KLK2: variants seen among roughly 807,000 people sequenced by gnomAD.
KLK2 encodes the protein kallikrein-2.
Under a neutral mutation model 23.0 loss-of-function variants are expected in KLK2, and 17 were observed. The ratio of observed to expected loss-of-function variants is 0.74; its 90% confidence interval spans 0.51 to 1.11. The LOEUF (loss-of-function observed/expected upper bound fraction) is 1.11, where lower values mean the gene tolerates loss of function less well. Among genes scored for constraint, KLK2 ranks in the 50% least tolerant of loss-of-function variants. The pLI, the probability that KLK2 is intolerant of heterozygous loss-of-function variation, is 0.00. For missense variants in KLK2, 330 were observed against 325.9 expected, an observed-to-expected ratio of 1.01 and a Z score of -0.10; for synonymous variants, 140 against 124.7, an observed-to-expected ratio of 1.12 and a Z score of -0.82.
At position 50,876,740 on chromosome 19, in the gene KLK2, A is replaced by C; in HGVS notation, c.475A>C (p.Ser159Arg). ...GTTCYASGWG[S>R]IEPEEFLRPR... Reference sequence around the variant, plus strand: ...CACCTGCTACGCCTCAGGCTGGGGCAGCATCGAACCAGAGGAGTGTACGCC... The same window carrying C: ...CACCTGCTACGCCTCAGGCTGGGGCCGCATCGAACCAGAGGAGTGTACGCC... The change falls in exon 3 of 5, where the codon AGC becomes CGC. Residue 159 changes from serine (S) to arginine (R), a missense_variant. Coordinates refer to ENST00000325321, the MANE Select transcript of KLK2 (RefSeq NM_005551.5). The C allele has an allele frequency of 1.2e-6, 2 of 1,614,144 alleles. No homozygotes were observed. Among genetic ancestry groups the C allele is most frequent in the African/African-American group, 1.3e-5 (1 of 75,056 alleles).
At position 50,876,892 on chromosome 19, in the gene KLK2, C is replaced by G; in HGVS notation, c.514C>G (p.Gln172Glu). 1 of 1,614,114 alleles carries G rather than the reference C, an allele frequency of 6.2e-7. No homozygotes were observed. The highest frequency in any genetic ancestry group is 2.2e-5 in the East Asian group (1 of 44,888). Residue 172 changes from glutamine to glutamate, a missense_variant, in exon 4 of 5, where the codon CAG becomes GAG. Gln to Glu is a conservative substitution (Grantham distance 29). Transcript: ENST00000325321. Reference protein sequence around the residue: ...PEEFLRPRSLQCVSLHLLSND... With the variant: ...PEEFLRPRSLECVSLHLLSND... ...CATAGTCTTGCGCCCCAGGAGTCTT[C>G]AGTGTGTGAGCCTCCATCTCCTGTC...
chr19:50,876,976 G>A lies in KLK2; in HGVS notation c.598G>A (p.Gly200Arg). The A allele has an allele frequency of 6.2e-7, 1 of 1,614,118 alleles. No individual in the cohort carries two copies. The highest frequency in any genetic ancestry group is 2.2e-5 in the East Asian group (1 of 44,874). Residue 200 changes from glycine to arginine, a missense_variant, in exon 4 of 5, where the codon GGG becomes AGG. Coordinates refer to ENST00000325321, the MANE Select transcript of KLK2 (RefSeq NM_005551.5). ...GGTGACAGAGTTCATGTTGTGTGCTGGGCTCTGGACAGGTGGTAAAGACAC... is the reference window on the plus strand; with the variant it reads ...GGTGACAGAGTTCATGTTGTGTGCTAGGCTCTGGACAGGTGGTAAAGACAC... ...EKVTEFMLCA[G>R]LWTGGKDTCG...
chr19:50,877,040 G>T (rs2090296844), intron 4 of KLK2, 32 bp downstream of exon 4: 7 of 1,613,896 alleles, frequency 4.3e-6, no homozygotes, highest in Non-Finnish European at 5.1e-6. Flanking sequence ...CATCTGGAGG[G>T]GAAAGGTGAG....
At chr19:50,875,420 C>T (rs986847811) in intron 2 of KLK2, among the ~76,000 whole-genome samples, 9 of 152,196 alleles carry the variant, frequency 5.9e-5, no homozygotes, top group African/African-American at 1.9e-4. Context: ...CATCCCTCCA[C>T]CCTGGGGAGA....
rs763386699 is a variant in KLK2, at chr19:50,876,459, C to G, written c.207-13C>G. 1.8e-5 allele frequency: 29 copies of G among 1,613,436 alleles called. No individual in the cohort carries two copies. The highest frequency in any genetic ancestry group is 4.5e-5 in the East Asian group (2 of 44,882). On this transcript the variant is annotated splice_polypyrimidine_tract_variant and intron_variant, in intron 2 of 4. Coordinates refer to ENST00000325321, the MANE Select transcript of KLK2 (RefSeq NM_005551.5). Reference sequence around the variant, plus strand: ...TTTCTCTCTCCTCATGCATCCACCCCCTTCCTCCCCAGGAATAGCCAGGTC... The same window carrying G: ...TTTCTCTCTCCTCATGCATCCACCCGCTTCCTCCCCAGGAATAGCCAGGTC...
chr19:50,873,776 G>A (rs2090254438), intron 1 of KLK2: 1 of 519,982 alleles, frequency 1.9e-6, no homozygotes, highest in African/African-American at 2.0e-5. Flanking sequence ...AAGTTCCTGG[G>A]CATCTCTGTG....
Position 50,874,847 on chromosome 19 carries a change from A to C in KLK2, c.173A>C (p.Gln58Pro), listed in dbSNP as rs1316724256. The part of the protein sequence containing the change: ...AHCGGVLVHP[Q>P]WVLTAAHCLK... ...TGTGGGGGTGTCCTGGTGCACCCCCAGTGGGTGCTCACAGCTGCCCATTGC... is the reference window on the plus strand; with the variant it reads ...TGTGGGGGTGTCCTGGTGCACCCCCCGTGGGTGCTCACAGCTGCCCATTGC... The change falls in exon 2 of 5, where the codon CAG becomes CCG. Residue 58 changes from glutamine (Q) to proline (P), a missense_variant. Physicochemically the swap from Gln to Pro is moderately conservative, Grantham distance 76 (BLOSUM62 -1). Transcript: ENST00000325321. 1 of 1,613,062 alleles carries C rather than the reference A, an allele frequency of 6.2e-7. No individual in the cohort carries two copies. The highest frequency in any genetic ancestry group is 8.5e-7 in the Non-Finnish European group (1 of 1,179,444).
At position 50,878,681 on chromosome 19, in the gene KLK2, C is replaced by G. The variant is rs2090314569; in HGVS notation, c.*122C>G. 8.4e-6 allele frequency: 8 copies of G among 949,246 alleles called. No homozygotes were observed. In the South Asian group the frequency reaches 1.1e-4, roughly 13 times the overall value. 58.8% of individuals were successfully genotyped at this position (949,246 alleles called of 1,614,324 possible). The stretch of plus-strand genomic sequence containing the variant: ...ACTCACCTGGCCGAAGCTCGAGCCT[C>G]CTGAGTCCTACTGACCTGTGCTTTC... On this transcript the variant is annotated 3_prime_UTR_variant, in exon 5 of 5. Coordinates refer to ENST00000325321, the MANE Select transcript of KLK2 (RefSeq NM_005551.5).
intron 4 of KLK2, among the ~76,000 whole-genome samples, chr19:50,878,009 A>G (rs1568504408): frequency 6.6e-6 from 1 of 152,066 alleles, no homozygotes. Context: ...ACGGCCCTCC[A>G]TGGCTCCCCA....
Position 50,874,659 on chromosome 19 carries a change from A to C in KLK2, c.47-62A>C. 3 of 1,499,626 alleles carry C rather than the reference A, an allele frequency of 2.0e-6. No homozygotes were observed. The South Asian group carries it at 3.8e-5, about 19-fold the overall frequency. 92.9% of individuals were successfully genotyped at this position (1,499,626 alleles called of 1,614,324 possible). Reference sequence around the variant, plus strand: ...CCATGTCTCTTCAAACCCACAGCTCAGCTCCCTCCCCTATCCAATTCTTTT... The same window carrying C: ...CCATGTCTCTTCAAACCCACAGCTCCGCTCCCTCCCCTATCCAATTCTTTT... On this transcript the variant is annotated intron_variant, in intron 1 of 4. Coordinates refer to ENST00000325321, the MANE Select transcript of KLK2 (RefSeq NM_005551.5).
chr19:50,877,387 T>G, intron 4 of KLK2: 1 of 271,868 alleles, frequency 3.7e-6, no homozygotes, highest in Non-Finnish European at 7.1e-6. Flanking sequence ...CTGGAGGGTG[T>G]CAGGAAGTGA....
Position 50,879,512 on chromosome 19 carries a change from G to A in KLK2, c.*953G>A, listed in dbSNP as rs1228648836. On this transcript the variant is annotated 3_prime_UTR_variant, in exon 5 of 5. Transcript: ENST00000325321. ...TTATTCTCTCCAAGTGGAGACTTACGGACAGCATATAATTCTCCCTGCAAG... is the reference window on the plus strand; with the variant it reads ...TTATTCTCTCCAAGTGGAGACTTACAGACAGCATATAATTCTCCCTGCAAG... The A allele has an allele frequency of 2.2e-5, 5 of 230,880 alleles. No homozygotes were observed. Among genetic ancestry groups the A allele is most frequent in the Middle Eastern group, 1.2e-3 (1 of 804 alleles). 14.3% of individuals were successfully genotyped at this position (230,880 alleles called of 1,614,324 possible). A position where few individuals can be genotyped will look rare whatever the true frequency, so the allele number is the denominator to read the frequency against.
rs544195069 is a variant in KLK2 at position 50,874,821 on chromosome 19, C to T, written c.147C>T (p.His49=). The T allele has an allele frequency of 1.2e-6, 2 of 1,613,818 alleles. No individual in the cohort carries two copies. The highest frequency in any genetic ancestry group is 1.3e-5 in the African/African-American group (1 of 75,046). Residue 49 remains histidine (H), a synonymous_variant, in exon 2 of 5, where the codon CAC becomes CAT. Transcript: ENST00000325321. ...CTGTGTACAGTCATGGATGGGCACACTGTGGGGGTGTCCTGGTGCACCCCC... is the reference window on the plus strand; with the variant it reads ...CTGTGTACAGTCATGGATGGGCACATTGTGGGGGTGTCCTGGTGCACCCCC... The part of the protein sequence containing the change: ...QVAVYSHGWA[H]CGGVLVHPQW...
chr19:50,877,045 G>C, intron 4 of KLK2, 37 bp downstream of exon 4: 2 of 1,613,894 alleles, frequency 1.2e-6, no homozygotes, highest in South Asian at 1.1e-5. Flanking sequence ...GGAGGGGAAA[G>C]GTGAGTGAAG....
At position 50,874,833 on chromosome 19, in the gene KLK2, C is replaced by T. The variant is rs1485990946; in HGVS notation, c.159C>T (p.Val53=). The T allele has an allele frequency of 1.2e-6, 2 of 1,613,620 alleles. No homozygotes were observed. Among genetic ancestry groups the T allele is most frequent in the Admixed American group, 3.3e-5 (2 of 59,972 alleles). ...ATGGATGGGCACACTGTGGGGGTGT[C>T]CTGGTGCACCCCCAGTGGGTGCTCA... is the stretch of plus-strand genomic sequence containing the variant. ...YSHGWAHCGG[V]LVHPQWVLTA... The change falls in exon 2 of 5, where the codon GTC becomes GTT. Residue 53 remains valine (V), a synonymous_variant. Coordinates refer to ENST00000325321, the MANE Select transcript of KLK2 (RefSeq NM_005551.5).
intron 2 of KLK2, 28 bp from the exon 3 acceptor site, chr19:50,876,444 C>T (rs749178467): frequency 1.9e-6 from 3 of 1,610,704 alleles, no homozygotes; most frequent in Middle Eastern, 1.6e-4. Flanking sequence ...TTTCTCTCTC[C>T]TCATGCATCC....
Position 50,876,413 on chromosome 19 carries a change from G to C in KLK2, c.207-59G>C, listed in dbSNP as rs150891637. On this transcript the variant is annotated intron_variant, in intron 2 of 4. Transcript: ENST00000325321. ...TTTGGAGTCTCCCTTATCCTCCCCT[G>C]CCCCATCTACCTTTCCCCATTTTCT... The C allele has an allele frequency of 7.0e-3, 10,475 of 1,496,962 alleles. 84 individuals are homozygous for C. The highest frequency in any genetic ancestry group is 0.03 in the Middle Eastern group (172 of 5,752). 92.7% of individuals were successfully genotyped at this position (1,496,962 alleles called of 1,614,324 possible). A position where few individuals can be genotyped will look rare whatever the true frequency, so the allele number is the denominator to read the frequency against.
Position 50,874,782 on chromosome 19 carries a change from A to C in KLK2, c.108A>C (p.Gln36His). Reference protein sequence around the residue: ...VGGWECEKHSQPWQVAVYSHG... With the variant: ...VGGWECEKHSHPWQVAVYSHG... Reference sequence around the variant, plus strand: ...GCTGGGAGTGTGAGAAGCATTCCCAACCCTGGCAGGTGGCTGTGTACAGTC... The same window carrying C: ...GCTGGGAGTGTGAGAAGCATTCCCACCCCTGGCAGGTGGCTGTGTACAGTC... The change falls in exon 2 of 5, where the codon CAA becomes CAC. Residue 36 changes from glutamine (Q) to histidine (H), a missense_variant. Physicochemically the swap from Gln to His is conservative, Grantham distance 24. Transcript: ENST00000325321. The C allele has an allele frequency of 6.2e-7, 1 of 1,613,408 alleles. No individual in the cohort carries two copies. Among genetic ancestry groups the C allele is most frequent in the South Asian group, 1.1e-5 (1 of 91,026 alleles).
Position 50,876,990 on chromosome 19 carries a change from T to A in KLK2, c.612T>A (p.Gly204=). ...EFMLCAGLWT[G]GKDTCGGDSG... ...TGTTGTGTGCTGGGCTCTGGACAGGTGGTAAAGACACTTGTGGGGTGAGTC... is the reference window on the plus strand; with the variant it reads ...TGTTGTGTGCTGGGCTCTGGACAGGAGGTAAAGACACTTGTGGGGTGAGTC... The change falls in exon 4 of 5, where the codon GGT becomes GGA. Residue 204 remains glycine, a synonymous_variant. Coordinates refer to ENST00000325321, the MANE Select transcript of KLK2 (RefSeq NM_005551.5). 1 of 1,613,982 alleles carries A rather than the reference T, an allele frequency of 6.2e-7. No individual in the cohort carries two copies.
Sources: allele counts gnomAD v4.1 joint callset (sites outside exome capture counted in the v4.1 genomes callset), GRCh38; gene constraint gnomAD v4.1.1; transcripts MANE v1.5; gene names NCBI Gene and HGNC (gene_info 2026-07-23, HGNC 2026-07-21).